The following DMD variants were observed in gnomAD, a reference collection of about 807,000 sequenced individuals.
DMD encodes dystrophin.
In DMD, 63 loss-of-function variants were observed where a neutral mutation model predicts 330.1. That is an observed-to-expected ratio of 0.19 (90% CI 0.16 to 0.24). The LOEUF is 0.24. Ranked by LOEUF, DMD falls within the 10% of genes least tolerant of loss-of-function variation. The pLI is 1.00. For missense variants in DMD, 3,344 were observed against 2,684.1 expected (o/e 1.25, Z -5.43); for synonymous variants, 1,223 against 959.8 (o/e 1.27, Z -5.07).
intron 49 of DMD, 131 bp from the exon 50 acceptor site, chrX:31,820,214 G>A (rs1353781271): frequency 1.8e-6 from 1 of 559,422 alleles, no homozygotes; most frequent in Non-Finnish European, 2.9e-6. Flanking sequence ...ACTTTAGTGG[G>A]TAGAATTTCT....
chrX:33,165,344 C>G (rs2048997569), intron 1 of DMD, among the ~76,000 whole-genome samples: 1 of 111,638 alleles, frequency 9.0e-6, no homozygotes, highest in Admixed American at 9.6e-5. Context: ...ATAATCTTTA[C>G]TGTCTGTCTA....
chrX:32,098,115 G>A (rs777719329), intron 44 of DMD, among the ~76,000 whole-genome samples: 19 of 111,487 alleles, frequency 1.7e-4, no homozygotes, highest in East Asian at 1.1e-3. Flanking sequence ...CTGTATTTGC[G>A]TGATATATGC....
At chrX:32,309,122 G>A in intron 42 of DMD, among the ~76,000 whole-genome samples, 1 of 111,246 alleles carries the variant, frequency 9.0e-6, no homozygotes, top group Non-Finnish European at 1.9e-5. Context: ...TTGATATAAT[G>A]TTAAGATATT....
chrX:32,474,786 T>TACA (rs2041053617), intron 21 of DMD, among the ~76,000 whole-genome samples: 3 of 111,715 alleles, frequency 2.7e-5, no homozygotes, highest in African/African-American at 3.3e-5. Flanking sequence ...TGTGAAGATT[T>TACA]TATCCCACTC....
intron 1 of DMD, among the ~76,000 whole-genome samples, chrX:33,034,198 G>A (rs1174409248): frequency 1.8e-5 from 2 of 111,200 alleles, no homozygotes; most frequent in Non-Finnish European, 3.8e-5. Context: ...GAAAACATTA[G>A]TTTTTGATTA....
intron 1 of DMD, among the ~76,000 whole-genome samples, chrX:33,146,833 TTTC>T (rs200908698): frequency 0.016 from 1,739 of 110,800 alleles, 39 homozygotes; most frequent in African/African-American, 0.053. Flanking sequence ...ATCTTTTTTT[TTTC>T]TTTTTGAGAC....
chrX:31,623,861 G>A (rs1174958300), intron 55 of DMD, among the ~76,000 whole-genome samples: 1 of 110,696 alleles, frequency 9.0e-6, no homozygotes, highest in East Asian at 2.8e-4. Context: ...ACATCATAAA[G>A]GTCACCACAT....
intron 1 of DMD, among the ~76,000 whole-genome samples, chrX:33,273,580 A>G (rs1266547121): frequency 8.9e-6 from 1 of 112,047 alleles, no homozygotes; most frequent in African/African-American, 3.2e-5. Context: ...CAGAATTTTG[A>G]ATGTCTGGTA....
At chrX:33,118,277 AT>A (rs1231220685) in intron 1 of DMD, among the ~76,000 whole-genome samples, 10 of 107,707 alleles carry the variant, frequency 9.3e-5, no homozygotes, top group East Asian at 2.9e-4. Flanking sequence ...CGCCCGGCTA[AT>A]TTTTTGTATT....
At chrX:32,087,777 G>A (rs889980912) in intron 44 of DMD, among the ~76,000 whole-genome samples, 1 of 112,243 alleles carries the variant, frequency 8.9e-6, no homozygotes, top group African/African-American at 3.2e-5. Flanking sequence ...AGGAATTCAC[G>A]AGCATAAAGA....
At chrX:32,513,969 T>G (rs2045591873) in intron 18 of DMD, among the ~76,000 whole-genome samples, 1 of 111,664 alleles carries the variant, frequency 9.0e-6, no homozygotes, top group African/African-American at 3.3e-5. Flanking sequence ...GGTTAATAGG[T>G]TCTAGTTCTA....
intron 78 of DMD, among the ~76,000 whole-genome samples, chrX:31,122,386 A>G (rs1014951093): frequency 9.0e-6 from 1 of 110,542 alleles, no homozygotes; most frequent in African/African-American, 3.3e-5. Flanking sequence ...AACCACCATC[A>G]CCACCTTCAC....
At chrX:33,025,218 G>T (rs1174304851) in intron 1 of DMD, among the ~76,000 whole-genome samples, 3 of 112,261 alleles carry the variant, frequency 2.7e-5, no homozygotes, top group Non-Finnish European at 3.8e-5. Flanking sequence ...AGTAAAGAAG[G>T]AATAAAGGTA....
chrX:32,550,214 T>C (rs2049398554), intron 16 of DMD, among the ~76,000 whole-genome samples: 1 of 111,748 alleles, frequency 8.9e-6, no homozygotes, highest in African/African-American at 3.3e-5. Context: ...ACAATAAAAA[T>C]ATGATATAGA....
chrX:32,661,631 A>C (rs2060954241), intron 9 of DMD, among the ~76,000 whole-genome samples: 1 of 111,767 alleles, frequency 8.9e-6, no homozygotes, highest in Non-Finnish European at 1.9e-5. Flanking sequence ...TGATCATTCT[A>C]AGTCTCTCAT....
intron 7 of DMD, among the ~76,000 whole-genome samples, chrX:32,711,010 A>G (rs1221368089): frequency 8.9e-6 from 1 of 112,023 alleles, no homozygotes; most frequent in African/African-American, 3.2e-5. Context: ...TGCAAACATT[A>G]CATATTTGGA....
chrX:31,939,875 C>G (rs2094971431), intron 45 of DMD, among the ~76,000 whole-genome samples: 1 of 111,687 alleles, frequency 9.0e-6, no homozygotes, highest in African/African-American at 3.3e-5. Flanking sequence ...GACAAACTAC[C>G]TTGACAAATT....
At chrX:33,051,153 A>G (rs2094451019) in intron 1 of DMD, among the ~76,000 whole-genome samples, 1 of 110,899 alleles carries the variant, frequency 9.0e-6, no homozygotes. Flanking sequence ...TTTTAAAACT[A>G]GATAACACAC....
intron 2 of DMD, among the ~76,000 whole-genome samples, chrX:32,973,576 T>C (rs967333004): frequency 2.7e-5 from 3 of 111,873 alleles, no homozygotes; most frequent in Admixed American, 9.6e-5. Context: ...CCAAACAACA[T>C]AGCAAGTTCA....
Sources: gnomAD v4.1 joint callset for allele counts (sites outside exome capture counted in the v4.1 genomes callset) on GRCh38, gnomAD v4.1.1 for gene constraint, MANE v1.5 for transcripts, NCBI Gene and HGNC (gene_info 2026-07-23, HGNC 2026-07-21) for gene names.